The following TTC7B variants were observed in gnomAD, a reference collection of about 807,000 sequenced individuals.
TTC7B encodes the protein tetratricopeptide repeat protein 7B.
In TTC7B, 28 loss-of-function variants were observed where a neutral mutation model predicts 106.8. The observed-to-expected ratio is 0.26, with a 90% CI of 0.19 to 0.36. The LOEUF (loss-of-function observed/expected upper bound fraction) is 0.36. Ranked by LOEUF, TTC7B falls within the 10% of genes least tolerant of loss-of-function variation. The pLI, the probability that TTC7B is intolerant of heterozygous loss-of-function variation, is 1.00. For synonymous variants in TTC7B, 405 were observed against 430.6 expected, an observed-to-expected ratio of 0.94 and a Z score of 0.74; for missense variants, 862 against 1,076.4, an observed-to-expected ratio of 0.80 and a Z score of 2.79.
At chr14:90,778,937 CA>C (rs1891121916) in intron 3 of TTC7B, among the ~76,000 whole-genome samples, 1 of 152,218 alleles carries the variant, frequency 6.6e-6, no homozygotes, top group Admixed American at 6.5e-5. Context: ...GGTCTTTGTT[CA>C]ACACTGCAGA....
chr14:90,651,906 TG>T (rs1885735074), intron 13 of TTC7B, among the ~76,000 whole-genome samples: 1 of 152,168 alleles, frequency 6.6e-6, no homozygotes, highest in Non-Finnish European at 1.5e-5. Flanking sequence ...TGTCAGGTAT[TG>T]GGAAGGCCTC....
Position 90,816,269 on chromosome 14 carries a change from C to T in TTC7B, c.27G>A (p.Arg9=). 1 of 1,238,500 alleles carries T rather than the reference C, an allele frequency of 8.1e-7. No homozygotes were observed. Among genetic ancestry groups the T allele is most frequent in the Non-Finnish European group, 1.0e-6 (1 of 959,540 alleles). 76.7% of individuals were successfully genotyped at this position (1,238,500 alleles called of 1,614,324 possible). The change falls in exon 1 of 20, where the codon CGG becomes CGA. Residue 9 remains arginine (R), a synonymous_variant. Transcript: ENST00000328459. The part of the protein sequence containing the change: MATKKAGS[R]LETEIERCRS... The stretch of plus-strand genomic sequence containing the variant: ...GGCAGCGCTCGATCTCCGTCTCCAG[C>T]CGCGAGCCTGCCTTCTTGGTCGCCA...
At chr14:90,739,791 C>T (rs577068843) in intron 4 of TTC7B, among the ~76,000 whole-genome samples, 1 of 152,324 alleles carries the variant, frequency 6.6e-6, no homozygotes, top group South Asian at 2.1e-4. Flanking sequence ...AGCTGGTTGG[C>T]TGATGCATGC....
intron 1 of TTC7B, among the ~76,000 whole-genome samples, chr14:90,813,512 C>T (rs2031012936): frequency 6.6e-6 from 1 of 152,088 alleles, no homozygotes; most frequent in African/African-American, 2.4e-5. Context: ...TACTTTAACC[C>T]TCATAACAAC....
In TTC7B at chr14:90,744,784, T is replaced by C; in HGVS notation, c.576+8A>G. ...GTTATCAGGAACAAACACGTGGTCC[T>C]CACTTACCCTTTCTATCTCTTGGAG... On this transcript the variant is annotated splice_region_variant and intron_variant, in intron 4 of 19. Transcript: ENST00000328459. The C allele has an allele frequency of 6.2e-7, 1 of 1,610,302 alleles. No homozygotes were observed.
At chr14:90,543,980 C>A (rs1422182169) in intron 19 of TTC7B, among the ~76,000 whole-genome samples, 1 of 152,228 alleles carries the variant, frequency 6.6e-6, no homozygotes, top group Non-Finnish European at 1.5e-5. Context: ...CTTCCATAAG[C>A]CCCCAACAGG....
At chr14:90,794,973 C>G (rs1320873198) in intron 1 of TTC7B, among the ~76,000 whole-genome samples, 2 of 152,034 alleles carry the variant, frequency 1.3e-5, no homozygotes, top group African/African-American at 4.8e-5. Flanking sequence ...GCTCCCAATT[C>G]AGAACCCACT....
chr14:90,804,964 A>G (rs1427907369), intron 1 of TTC7B, among the ~76,000 whole-genome samples: 1 of 152,178 alleles, frequency 6.6e-6, no homozygotes, highest in Non-Finnish European at 1.5e-5. Flanking sequence ...CAGGTCCACA[A>G]AAGCCACAGG....
intron 18 of TTC7B, among the ~76,000 whole-genome samples, chr14:90,583,081 G>A (rs994763399): frequency 2.0e-5 from 3 of 152,180 alleles, no homozygotes; most frequent in Admixed American, 1.3e-4. Context: ...GCCCAAATAA[G>A]GACCACATAT....
intron 3 of TTC7B, among the ~76,000 whole-genome samples, chr14:90,747,854 T>C (rs1890017499): frequency 6.6e-6 from 1 of 152,232 alleles, no homozygotes; most frequent in African/African-American, 2.4e-5. Flanking sequence ...TTTTGATGGA[T>C]TGACATCATT....
chr14:90,578,977 G>C lies in TTC7B; in HGVS notation c.2108-669C>G, dbSNP rs1038608066. On this transcript the variant is annotated intron_variant, in intron 18 of 19. Transcript: ENST00000328459. The surrounding 1 kb of genome is among the most constrained non-coding windows in gnomAD (Gnocchi z 4.7). ...CAAGCAGGAAAATGACCCTGCTACC[G>C]ATCCAGGCCTCAACTCTCTCACCTC... 4.6e-5 allele frequency among the ~76,000 whole-genome samples: 7 copies of C among 152,176 alleles called. No homozygotes were observed. The highest frequency in any genetic ancestry group is 7.4e-5 in the Non-Finnish European group (5 of 68,026).
At position 90,617,172 on chromosome 14, in the gene TTC7B, T is replaced by A. The variant is rs534776059; in HGVS notation, c.1868+757A>T. On this transcript the variant is annotated intron_variant, in intron 16 of 19. Coordinates refer to ENST00000328459, the MANE Select transcript of TTC7B (RefSeq NM_001010854.2). Reference sequence around the variant, plus strand: ...TTGACGGAGCTACTTTACAGCTCTGTAGGGGTAGAAATTAACCCGCGGAAA... The same window carrying A: ...TTGACGGAGCTACTTTACAGCTCTGAAGGGGTAGAAATTAACCCGCGGAAA... Among the ~76,000 whole-genome samples the A allele has an allele frequency of 2.1e-3, 325 of 152,326 alleles. 2 individuals are homozygous for A. Among genetic ancestry groups the A allele is most frequent in the African/African-American group, 7.6e-3 (314 of 41,566 alleles).
At chr14:90,690,599 A>C (rs1330671106) in intron 6 of TTC7B, among the ~76,000 whole-genome samples, 1 of 152,200 alleles carries the variant, frequency 6.6e-6, no homozygotes, top group Non-Finnish European at 1.5e-5. Context: ...AGGATAAGTA[A>C]TTTAAAAAAA....
chr14:90,771,411 C>T (rs1039433541), intron 3 of TTC7B, among the ~76,000 whole-genome samples: 3 of 152,080 alleles, frequency 2.0e-5, no homozygotes, highest in Admixed American at 6.6e-5. Context: ...GCCTGGGCAA[C>T]GTCCAAACCC....
rs192503520 is a variant in TTC7B at position 90,786,303 on chromosome 14, C to T, written c.147G>A (p.Gly49=). ...ANDDMAELLL[G]ESKLEQYLKE... ...TCAGGTACTGCTCCAGCTTCGACTC[C>T]CCGAGGAGAAGCTCTGCCATGTCAT... The change falls in exon 2 of 20, where the codon GGG becomes GGA. Residue 49 remains glycine (G), a synonymous_variant. Transcript: ENST00000328459. 86 of 1,613,412 alleles carry T rather than the reference C, an allele frequency of 5.3e-5. No homozygotes were observed. Among genetic ancestry groups the T allele is most frequent in the Admixed American group, 2.2e-4 (13 of 59,990 alleles).
intron 19 of TTC7B, among the ~76,000 whole-genome samples, chr14:90,553,640 G>A (rs897390637): frequency 1.7e-4 from 26 of 152,188 alleles, no homozygotes; most frequent in African/African-American, 5.5e-4. Flanking sequence ...GAAAAGCCCC[G>A]TTCTCTTTCC....
chr14:90,594,695 T>C (rs943704828), intron 17 of TTC7B, among the ~76,000 whole-genome samples: 10 of 152,190 alleles, frequency 6.6e-5, no homozygotes, highest in African/African-American at 2.2e-4. Context: ...AAAATAGTAA[T>C]AATCTATAAA....
chr14:90,706,258 G>T (rs1363452822), intron 5 of TTC7B, among the ~76,000 whole-genome samples: 1 of 151,496 alleles, frequency 6.6e-6, no homozygotes, highest in Non-Finnish European at 1.5e-5. Context: ...CACCTCCCGG[G>T]TTCACACCAT....
rs561837412 is a variant in TTC7B at position 90,545,003 on chromosome 14, T to A, written c.2311-3414A>T. On this transcript the variant is annotated intron_variant, in intron 19 of 19. Coordinates refer to ENST00000328459, the MANE Select transcript of TTC7B (RefSeq NM_001010854.2). ...TTTTCTTCCTCCAAGTGGAGGGTTT[T>A]TCCCCACTGGGCACCACGCTAGGCA... Among the ~76,000 whole-genome samples the A allele has an allele frequency of 1.1e-3, 167 of 152,346 alleles. 1 individual carries two copies. The highest frequency in any genetic ancestry group is 3.8e-3 in the African/African-American group (160 of 41,590).
Sources: gnomAD v4.1 joint callset for allele counts (sites outside exome capture counted in the v4.1 genomes callset) on GRCh38, gnomAD v4.1.1 for gene constraint, Gnocchi (gnomAD v3.1) non-coding constraint, MANE v1.5 for transcripts, NCBI Gene and HGNC (gene_info 2026-07-23, HGNC 2026-07-21) for gene names.